Variants in SPATS2L observed in about 807,000 individuals in gnomAD.
SPATS2L encodes SPATS2-like protein.
SPATS2L carries 30 observed loss-of-function variants against 59.6 expected under a neutral mutation model. The observed-to-expected ratio is 0.50, with a 90% CI of 0.38 to 0.68. The LOEUF (loss-of-function observed/expected upper bound fraction) is 0.68. Among genes scored for constraint, SPATS2L ranks in the 30% least tolerant of loss-of-function variants. The probability of loss-of-function intolerance (pLI) is 0.00; values close to 1 mark genes in which losing one functional copy is unlikely to be tolerated. For missense variants in SPATS2L, 615 were observed against 700.0 expected, an observed-to-expected ratio of 0.88 and a Z score of 1.37; for synonymous variants, 252 against 263.5, an observed-to-expected ratio of 0.96 and a Z score of 0.42.
intron 1 of SPATS2L, chr2:200,309,094 A>G: frequency 1.4e-6 from 1 of 717,938 alleles, no homozygotes; most frequent in Non-Finnish European, 2.6e-6. Context: ...TTGCCATGTA[A>G]GTGGTAAGCT....
At chr2:200,453,717 G>A (rs371555741) in intron 8 of SPATS2L, among the ~76,000 whole-genome samples, 2 of 152,210 alleles carry the variant, frequency 1.3e-5, no homozygotes, top group Admixed American at 6.5e-5. Flanking sequence ...TGTTAGAACC[G>A]TTGGTCACAG....
chr2:200,345,796 A>G (rs926278287), intron 2 of SPATS2L, among the ~76,000 whole-genome samples: 1 of 152,174 alleles, frequency 6.6e-6, no homozygotes, highest in African/African-American at 2.4e-5. Flanking sequence ...TAGTTTTTGT[A>G]TCAATTGTTG....
At chr2:200,414,620 A>G (rs1017571983) in intron 4 of SPATS2L, among the ~76,000 whole-genome samples, 1 of 151,682 alleles carries the variant, frequency 6.6e-6, no homozygotes, top group Non-Finnish European at 1.5e-5. Context: ...ACAGTGTGAG[A>G]CCCCGTCTCC....
rs753382998 is a variant in SPATS2L, at chr2:200,439,316, G to C, written c.640G>C (p.Ala214Pro). The C allele has an allele frequency of 1.2e-5, 20 of 1,612,586 alleles. No individual in the cohort carries two copies. The highest frequency in any genetic ancestry group is 1.7e-5 in the Non-Finnish European group (20 of 1,178,844). The change falls in exon 7 of 13, where the codon GCA becomes CCA. Residue 214 changes from alanine to proline, a missense_variant. Physicochemically the swap from Ala to Pro is conservative, Grantham distance 27. Transcript: ENST00000409140. ...AHLEIKPDEL[A>P]KKRGPNIEKS... ...TCTTGAAATAAAGCCAGATGAGTTG[G>C]CAAAGAAAAGAGGTAAAGTGATTTC...
At chr2:200,358,395 T>C (rs1268216730) in intron 2 of SPATS2L, among the ~76,000 whole-genome samples, 1 of 152,252 alleles carries the variant, frequency 6.6e-6, no homozygotes, top group African/African-American at 2.4e-5. Context: ...CCATGTCTTT[T>C]AGTATTCATT....
chr2:200,440,570 A>T (rs1246318545), intron 7 of SPATS2L, 79 bp from the exon 8 acceptor site: 1 of 1,405,210 alleles, frequency 7.1e-7, no homozygotes, highest in African/African-American at 1.4e-5. Flanking sequence ...TGGTGGGCTA[A>T]TTGCTTTGTT....
At chr2:200,407,052 C>G (rs1019557478) in intron 3 of SPATS2L, among the ~76,000 whole-genome samples, 1 of 152,200 alleles carries the variant, frequency 6.6e-6, no homozygotes, top group African/African-American at 2.4e-5. Context: ...GCCACATGGT[C>G]TTTCCACTTC....
chr2:200,455,859 T>C (rs1030827771), intron 8 of SPATS2L, among the ~76,000 whole-genome samples: 1 of 152,164 alleles, frequency 6.6e-6, no homozygotes, highest in Non-Finnish European at 1.5e-5. Flanking sequence ...AACATGGAAA[T>C]GGCACCGATG....
chr2:200,365,440 T>C (rs1442482712), intron 2 of SPATS2L, among the ~76,000 whole-genome samples: 1 of 152,124 alleles, frequency 6.6e-6, no homozygotes, highest in African/African-American at 2.4e-5. Context: ...ACACAGGACT[T>C]CTCAGTTGAG....
At chr2:200,342,940 G>C (rs2080381979) in intron 2 of SPATS2L, among the ~76,000 whole-genome samples, 2 of 152,156 alleles carry the variant, frequency 1.3e-5, no homozygotes, top group African/African-American at 4.8e-5. Context: ...TTTGGAATCA[G>C]GTGGAATATA....
chr2:200,310,431 G>C (rs149281390), intron 1 of SPATS2L, among the ~76,000 whole-genome samples: 1 of 152,040 alleles, frequency 6.6e-6, no homozygotes, highest in Non-Finnish European at 1.5e-5. Flanking sequence ...CTCCCTGATC[G>C]GATGGGAGGC....
chr2:200,417,296 A>G (rs1034905332), intron 5 of SPATS2L, among the ~76,000 whole-genome samples: 3 of 152,178 alleles, frequency 2.0e-5, no homozygotes, highest in Non-Finnish European at 2.9e-5. Context: ...AATTACAGGA[A>G]TCATCCTTTC....
chr2:200,424,387 G>A (rs968417492), intron 6 of SPATS2L, among the ~76,000 whole-genome samples: 10 of 152,072 alleles, frequency 6.6e-5, no homozygotes, highest in Non-Finnish European at 1.5e-4. Flanking sequence ...TGCTTGGGAG[G>A]TTGAGGTGGG....
At chr2:200,352,073 G>A (rs953237192) in intron 2 of SPATS2L, among the ~76,000 whole-genome samples, 1 of 151,996 alleles carries the variant, frequency 6.6e-6, no homozygotes, top group African/African-American at 2.4e-5. Context: ...GAGACTGATG[G>A]GTGTTTGTGT....
At chr2:200,423,936 G>A (rs2083417031) in intron 6 of SPATS2L, among the ~76,000 whole-genome samples, 1 of 152,136 alleles carries the variant, frequency 6.6e-6, no homozygotes, top group Admixed American at 6.5e-5. Context: ...GTGGCTCAGG[G>A]GTGTTAGTGT....
At chr2:200,310,625 A>G (rs1262269791) in intron 1 of SPATS2L, among the ~76,000 whole-genome samples, 3 of 152,208 alleles carry the variant, frequency 2.0e-5, no homozygotes, top group South Asian at 2.1e-4. Flanking sequence ...CAGAGTGCAA[A>G]TACTTTCCAT....
intron 5 of SPATS2L, among the ~76,000 whole-genome samples, chr2:200,418,061 T>G (rs1269352688): frequency 1.3e-5 from 2 of 152,176 alleles, no homozygotes; most frequent in African/African-American, 2.4e-5. Context: ...TTAAGAGAGA[T>G]ATAGTAAAAC....
intron 2 of SPATS2L, among the ~76,000 whole-genome samples, chr2:200,376,827 C>T (rs963270589): frequency 1.3e-5 from 2 of 152,230 alleles, no homozygotes; most frequent in African/African-American, 4.8e-5. Context: ...TTCGGGCCGC[C>T]ACCCTCTCCT....
intron 2 of SPATS2L, among the ~76,000 whole-genome samples, chr2:200,364,123 G>T (rs1461383662): frequency 6.6e-6 from 1 of 152,168 alleles, no homozygotes; most frequent in Non-Finnish European, 1.5e-5. Flanking sequence ...GCTAAAGAAG[G>T]TGGGTGGCCT....
Sources: allele counts gnomAD v4.1 joint callset (sites outside exome capture counted in the v4.1 genomes callset), GRCh38; gene constraint gnomAD v4.1.1; transcripts MANE v1.5; gene names NCBI Gene and HGNC (gene_info 2026-07-23, HGNC 2026-07-21).